The following LRP1B variants were observed in gnomAD, a reference collection of about 807,000 sequenced individuals.
LRP1B encodes the protein low-density lipoprotein receptor-related protein 1B.
In LRP1B, 217 loss-of-function variants were observed where a neutral mutation model predicts 556.6. That is an observed-to-expected ratio of 0.39 (90% CI 0.35 to 0.44). The LOEUF (loss-of-function observed/expected upper bound fraction) is 0.44. Among genes scored for constraint, LRP1B ranks in the 20% least tolerant of loss-of-function variants. The pLI, the probability that LRP1B is intolerant of heterozygous loss-of-function variation, is 1.00. For synonymous variants in LRP1B, 2,047 were observed against 1,865.8 expected (o/e 1.10, Z -2.50); for missense variants, 5,053 against 5,620.8 (o/e 0.90, Z 3.23).
intron 3 of LRP1B, among the ~76,000 whole-genome samples, chr2:141,408,931 C>T (rs776401484): frequency 4.6e-5 from 7 of 152,022 alleles, no homozygotes; most frequent in East Asian, 1.9e-4. Context: ...TCTCTTCTTC[C>T]GCATATATAG....
intron 1 of LRP1B, among the ~76,000 whole-genome samples, chr2:141,811,288 AT>A (rs770492159): frequency 4.6e-5 from 7 of 151,988 alleles, no homozygotes; most frequent in Non-Finnish European, 8.8e-5. Context: ...TTCACTGGTA[AT>A]TTTGTTGTAT....
rs1443347336 is a variant in LRP1B at position 141,479,081 on chromosome 2, T to C, written c.343+1315A>G. On this transcript the variant is annotated intron_variant, in intron 3 of 90. Coordinates refer to ENST00000389484, the MANE Select transcript of LRP1B (RefSeq NM_018557.3). ...AATTTATCCACAGAGTCAGCGTAAT[T>C]GGACCTTCCTTTAGAAAGAGGGAAA... Among the ~76,000 whole-genome samples the C allele has an allele frequency of 2.6e-5, 4 of 152,180 alleles. No homozygotes were observed. The East Asian group carries it at 7.7e-4, about 29-fold the overall frequency.
At chr2:141,587,185 A>G (rs1687172890) in intron 2 of LRP1B, among the ~76,000 whole-genome samples, 1 of 152,174 alleles carries the variant, frequency 6.6e-6, no homozygotes, top group African/African-American at 2.4e-5. Flanking sequence ...TTTTTGTCTT[A>G]TCAGCAAAAA....
intron 35 of LRP1B, among the ~76,000 whole-genome samples, chr2:140,744,689 A>T (rs1005200592): frequency 2.0e-5 from 3 of 152,184 alleles, no homozygotes; most frequent in African/African-American, 7.2e-5. Flanking sequence ...TTTCTTGAAC[A>T]TGTGATCTAA....
intron 21 of LRP1B, among the ~76,000 whole-genome samples, chr2:140,920,351 G>A (rs12615670): frequency 0.041 from 6,294 of 151,820 alleles, 208 homozygotes; most frequent in South Asian, 0.098. Context: ...CTGTGCCTAC[G>A]TTTTGAACAC....
chr2:141,277,940 T>TTATGGGA (rs376635704), intron 3 of LRP1B, among the ~76,000 whole-genome samples: 1 of 152,184 alleles, frequency 6.6e-6, no homozygotes. Context: ...TACAATAACC[T>TTATGGGA]TATGGGATAT....
chr2:141,062,950 G>C (rs959291905), intron 7 of LRP1B, among the ~76,000 whole-genome samples: 15 of 151,666 alleles, frequency 9.9e-5, no homozygotes, highest in African/African-American at 3.6e-4. Flanking sequence ...GAGTAATGTT[G>C]ACCTCTGAGA....
intron 43 of LRP1B, among the ~76,000 whole-genome samples, chr2:140,598,070 AG>A (rs1373204109): frequency 6.6e-6 from 1 of 152,142 alleles, no homozygotes; most frequent in African/African-American, 2.4e-5. Flanking sequence ...ACCATTCTTC[AG>A]GCCCTAAATA....
intron 3 of LRP1B, among the ~76,000 whole-genome samples, chr2:141,302,359 T>G (rs1293868756): frequency 6.6e-6 from 1 of 152,114 alleles, no homozygotes; most frequent in Non-Finnish European, 1.5e-5. Flanking sequence ...TTTTCTCAAG[T>G]CTACCCAAAC....
intron 35 of LRP1B, among the ~76,000 whole-genome samples, chr2:140,737,005 T>C (rs1394524665): frequency 6.6e-6 from 1 of 152,034 alleles, no homozygotes; most frequent in Admixed American, 6.6e-5. Flanking sequence ...CAAAAATACA[T>C]TGGCAGCCAA....
chr2:141,944,419 A>G (rs753753835), intron 1 of LRP1B, among the ~76,000 whole-genome samples: 26 of 152,174 alleles, frequency 1.7e-4, no homozygotes, highest in Non-Finnish European at 3.5e-4. Flanking sequence ...GCATAGCTTA[A>G]TAAAGTGGAT....
chr2:141,772,231 G>GT (rs1419655292), intron 2 of LRP1B, among the ~76,000 whole-genome samples: 4 of 152,118 alleles, frequency 2.6e-5, no homozygotes, highest in African/African-American at 9.7e-5. Flanking sequence ...TTCCAAAACT[G>GT]TGAGAAATAT....
intron 32 of LRP1B, among the ~76,000 whole-genome samples, chr2:140,802,663 T>C (rs1429679619): frequency 2.6e-5 from 4 of 152,324 alleles, no homozygotes; most frequent in African/African-American, 9.6e-5. Context: ...TTTCTTCAGA[T>C]ATAGTATGCC....
At chr2:140,672,942 A>G (rs902557092) in intron 41 of LRP1B, among the ~76,000 whole-genome samples, 4 of 152,338 alleles carry the variant, frequency 2.6e-5, no homozygotes, top group South Asian at 4.1e-4. Context: ...AGAGCTCTCT[A>G]TGTGAATGAA....
In LRP1B at chr2:140,283,379, AT is replaced by A. The variant is rs529463049; in HGVS notation, c.12968-8782del. Among the ~76,000 whole-genome samples, 41 of 151,790 alleles carry A rather than the reference AT, an allele frequency of 2.7e-4. 1 individual carries two copies. Among genetic ancestry groups the A allele is most frequent in the Non-Finnish European group, 4.7e-4 (32 of 67,850 alleles). ...GCAAACATTAAATCCAGGTATGCCA[AT>A]TAAATATTCACTGAGGAAAAAATGC... On this transcript the variant is annotated intron_variant, in intron 84 of 90. Coordinates refer to ENST00000389484, the MANE Select transcript of LRP1B (RefSeq NM_018557.3).
chr2:141,721,906 C>G (rs994379754), intron 2 of LRP1B, among the ~76,000 whole-genome samples: 1 of 152,162 alleles, frequency 6.6e-6, no homozygotes, highest in African/African-American at 2.4e-5. Context: ...ATTCCCTGAT[C>G]CAGCAGACCA....
At chr2:141,237,017 A>G (rs1017930754) in intron 5 of LRP1B, among the ~76,000 whole-genome samples, 3 of 152,230 alleles carry the variant, frequency 2.0e-5, no homozygotes, top group South Asian at 2.1e-4. Flanking sequence ...AGATATCTGA[A>G]TTACTGAACA....
Position 140,769,318 on chromosome 2 carries a change from C to G in LRP1B, c.5653G>C (p.Val1885Leu), listed in dbSNP as rs2104934906. ...QGIESFLMYS[V>L]HEGIRGIPLE... ...GGTATTCCCCTGATTCCTTCATGAA[C>G]AGAGTACATAAGAAATGATTCTATA... Residue 1885 changes from valine to leucine, a missense_variant, in exon 35 of 91, where the codon GTT (valine) becomes CTT (leucine). This residue lies in a region of LRP1B where 3,619 missense variants were observed against 3,931.9 expected (regional missense o/e 0.92). Coordinates refer to ENST00000389484, the MANE Select transcript of LRP1B (RefSeq NM_018557.3). The G allele has an allele frequency of 6.2e-7, 1 of 1,611,470 alleles. No individual in the cohort carries two copies. Among genetic ancestry groups the G allele is most frequent in the Non-Finnish European group, 8.5e-7 (1 of 1,178,394 alleles).
intron 31 of LRP1B, among the ~76,000 whole-genome samples, chr2:140,835,683 G>A (rs1013799748): frequency 8.6e-5 from 13 of 151,912 alleles, no homozygotes; most frequent in African/African-American, 2.2e-4. Flanking sequence ...GATTACAGGC[G>A]CTCGCCACCA....
Sources: allele counts gnomAD v4.1 joint callset (sites outside exome capture counted in the v4.1 genomes callset), GRCh38; gene constraint gnomAD v4.1.1; regional missense constraint gnomAD v4.1.1; transcripts MANE v1.5; gene names NCBI Gene and HGNC (gene_info 2026-07-23, HGNC 2026-07-21).